The following OVCH2 variants were observed in gnomAD, a reference collection of about 807,000 sequenced individuals.
OVCH2 encodes the protein ovochymase 2, also known as ovochymase-2.
Under a neutral mutation model 73.7 loss-of-function variants are expected in OVCH2, and 88 were observed. That is an observed-to-expected ratio of 1.19 (90% CI 1.01 to 1.43). The LOEUF is 1.43. OVCH2 is among the 40% of genes most tolerant of loss of function. The pLI, the probability that OVCH2 is intolerant of heterozygous loss-of-function variation, is 0.00. For missense variants in OVCH2, 706 were observed against 674.5 expected (o/e 1.05, Z -0.52); for synonymous variants, 265 against 234.5 (o/e 1.13, Z -1.19).
downstream of OVCH2, among the ~76,000 whole-genome samples, chr11:7,689,010 T>C (rs2136148747): frequency 6.6e-6 from 1 of 152,346 alleles, no homozygotes; most frequent in South Asian, 2.1e-4. Flanking sequence ...AAAGGAACAG[T>C]GACCACATCC....
downstream of OVCH2, among the ~76,000 whole-genome samples, chr11:7,688,055 G>A (rs972528179): frequency 2.6e-5 from 4 of 152,176 alleles, no homozygotes; most frequent in African/African-American, 4.8e-5. Context: ...TTTGGTGGGA[G>A]CGCAAACATT....
chr11:7,698,402 G>A (rs1204880911), intron 8 of OVCH2, among the ~76,000 whole-genome samples: 1 of 152,212 alleles, frequency 6.6e-6, no homozygotes, highest in Non-Finnish European at 1.5e-5. Flanking sequence ...GGATCGCAAT[G>A]GAACAAAGGG....
At chr11:7,703,052 G>C (rs1278863650) in intron 3 of OVCH2, among the ~76,000 whole-genome samples, 2 of 152,162 alleles carry the variant, frequency 1.3e-5, no homozygotes, top group African/African-American at 4.8e-5. Context: ...AACTCTCTGG[G>C]GGCAGAAATC....
intron 8 of OVCH2, among the ~76,000 whole-genome samples, chr11:7,697,429 A>G (rs548145418): frequency 2.0e-5 from 3 of 152,268 alleles, no homozygotes; most frequent in Admixed American, 1.3e-4. Context: ...CTCTGTCTCT[A>G]TGATCCCTTG....
rs758822986 is a variant in OVCH2 at position 7,701,471 on chromosome 11, G to A, written c.564C>T (p.Gly188=). Residue 188 remains glycine, a synonymous_variant, in exon 6 of 16, where the codon GGC becomes GGT. Coordinates refer to ENST00000533663, the MANE Select transcript of OVCH2 (RefSeq NM_198185.7). ...TAGWGRLTEG[G]VLSQVLQEVN... The stretch of plus-strand genomic sequence containing the variant: ...CTTCCTGCAAGACTTGTGAGAGGAC[G>A]CCACCTGAAAAACAGAGAGATGGAA... The A allele has an allele frequency of 3.2e-5, 51 of 1,609,284 alleles. No individual in the cohort carries two copies. The South Asian group carries it at 3.2e-4, about 10-fold the overall frequency.
intron 12 of OVCH2, among the ~76,000 whole-genome samples, chr11:7,694,855 GA>G (rs575272752): frequency 6.8e-6 from 1 of 146,686 alleles, no homozygotes; most frequent in South Asian, 2.2e-4. Context: ...CCATCTAGTG[GA>G]AAAAATGTGT....
chr11:7,693,839 C>T (rs2136152861), intron 12 of OVCH2, among the ~76,000 whole-genome samples: 1 of 152,304 alleles, frequency 6.6e-6, no homozygotes, highest in African/African-American at 2.4e-5. Flanking sequence ...CTCAATTGTT[C>T]AATTTCCCAT....
intron 11 of OVCH2, 96 bp downstream of exon 11, chr11:7,695,474 T>C (rs1039649144): frequency 3.2e-6 from 4 of 1,258,560 alleles, no homozygotes; most frequent in Non-Finnish European, 4.4e-6. Context: ...CAGTTGGGCC[T>C]TGGGAGAGGG....
At chr11:7,687,845 C>T (rs1856159445), downstream of OVCH2, among the ~76,000 whole-genome samples, 1 of 152,102 alleles carries the variant, frequency 6.6e-6, no homozygotes, top group African/African-American at 2.4e-5. Context: ...TGAGGGCCCC[C>T]TTCCTGGTTT....
chr11:7,684,649 G>T (rs575794685), downstream of OVCH2, among the ~76,000 whole-genome samples: 5 of 151,916 alleles, frequency 3.3e-5, no homozygotes, highest in South Asian at 6.2e-4. Context: ...AACAAATGAG[G>T]TGTATGGTCT....
chr11:7,691,966 TTC>T lies in OVCH2; in HGVS notation c.1441_1442del (p.Glu481LysfsTer28). 1 of 1,574,712 alleles carries T rather than the reference TTC, an allele frequency of 6.4e-7. No individual in the cohort carries two copies. The highest frequency in any genetic ancestry group is 8.6e-7 in the Non-Finnish European group (1 of 1,158,502). ...CATAGTCGGAAGTGCAGTCTCCACT[TTC>T]TTCTATTTCCAGACTCTGAAATGAA... ...KLSFQSLEIE[E>X]SGDCTSDYVT... is the part of the protein sequence containing the mutation. On this transcript the variant is annotated frameshift_variant, in exon 13 of 16. Transcript: ENST00000533663. LOFTEE classifies it high-confidence loss of function.
At position 7,702,210 on chromosome 11, in the gene OVCH2, T is replaced by G. The variant is rs1856455573; in HGVS notation, c.410A>C (p.Lys137Thr). Residue 137 changes from lysine (K) to threonine (T), a missense_variant, in exon 4 of 16, where the codon AAA becomes ACA. Physicochemically the swap from Lys to Thr is moderately conservative, Grantham distance 78. Transcript: ENST00000533663. ...VIIHPHFSTK[K>T]PMDYDIALLK... The stretch of plus-strand genomic sequence containing the variant: ...AAGGGCAATATCATAGTCCATTGGT[T>G]TCTTGGTGGAGAAATGTGGATGTAT... 3 of 1,612,810 alleles carry G rather than the reference T, an allele frequency of 1.9e-6. No homozygotes were observed. Among genetic ancestry groups the G allele is most frequent in the Non-Finnish European group, 2.5e-6 (3 of 1,179,500 alleles).
rs186393060 is a variant in OVCH2, at chr11:7,701,651, A to T, written c.559+65T>A. 2.7e-4 allele frequency: 405 copies of T among 1,520,622 alleles called. 7 individuals are homozygous for T. The South Asian group carries it at 4.1e-3, about 15-fold the overall frequency. The allele number at this position is 1,520,622 out of a possible 1,614,324, so 94.2% of individuals were successfully genotyped here. A position where few individuals can be genotyped will look rare whatever the true frequency, so the allele number is the denominator to read the frequency against. The stretch of plus-strand genomic sequence containing the variant: ...TTTTTAAAAATGGATTAAAAATTCC[A>T]TTTTCTGATTGCCCACCAGAAAGTT... On this transcript the variant is annotated intron_variant, in intron 5 of 15. Coordinates refer to ENST00000533663, the MANE Select transcript of OVCH2 (RefSeq NM_198185.7).
chr11:7,704,352 T>C (rs1046072112), intron 2 of OVCH2, among the ~76,000 whole-genome samples: 2 of 152,216 alleles, frequency 1.3e-5, no homozygotes, highest in Non-Finnish European at 2.9e-5. Flanking sequence ...TTTTTGCTTA[T>C]CCTATTTGTG....
chr11:7,684,037 T>G, the OVCH2 span, among the ~76,000 whole-genome samples: 29 of 149,408 alleles, frequency 1.9e-4, no homozygotes, highest in African/African-American at 6.6e-4. Flanking sequence ...AAAATATATA[T>G]TATATATATT....
At chr11:7,698,215 C>T (rs547066636) in intron 8 of OVCH2, among the ~76,000 whole-genome samples, 18 of 152,306 alleles carry the variant, frequency 1.2e-4, no homozygotes, top group Middle Eastern at 3.4e-3. Flanking sequence ...TTCCTCTGAG[C>T]TCTCAGGGTA....
chr11:7,681,853 C>CAAAAAAAAAA, the OVCH2 span, among the ~76,000 whole-genome samples: 3 of 93,004 alleles, frequency 3.2e-5, no homozygotes, highest in African/African-American at 6.9e-5. Flanking sequence ...GGGAAATGTC[C>CAAAAAAAAAA]AAAAAAAAAA....
At chr11:7,701,883 G>A (rs1856446492) in intron 4 of OVCH2, 72 bp from the exon 5 acceptor site, 2 of 1,312,982 alleles carry the variant, frequency 1.5e-6, no homozygotes, top group East Asian at 5.0e-5. Context: ...TCACCACTTG[G>A]TATCCAGGTG....
intron 10 of OVCH2, among the ~76,000 whole-genome samples, chr11:7,696,194 A>T (rs1025952480): frequency 6.6e-6 from 1 of 152,190 alleles, no homozygotes; most frequent in African/African-American, 2.4e-5. Context: ...GAATATATCT[A>T]GAGTTTATTC....
Sources: allele counts gnomAD v4.1 joint callset (sites outside exome capture counted in the v4.1 genomes callset), GRCh38; gene constraint gnomAD v4.1.1; transcripts MANE v1.5; gene names NCBI Gene and HGNC (gene_info 2026-07-23, HGNC 2026-07-21).